PDE10A: variants seen among roughly 807,000 people sequenced by gnomAD.
PDE10A encodes the protein cAMP and cAMP-inhibited cGMP 3',5'-cyclic phosphodiesterase 10A.
Under a neutral mutation model 97.7 loss-of-function variants are expected in PDE10A, and 39 were observed. The ratio of observed to expected loss-of-function variants is 0.40; its 90% CI spans 0.31 to 0.52. PDE10A has a LOEUF of 0.52. PDE10A is among the 20% of genes least tolerant of loss of function. PDE10A has a pLI of 0.56. For missense variants in PDE10A, 731 were observed against 1,047.8 expected (o/e 0.70, Z 4.17); for synonymous variants, 371 against 376.8 (o/e 0.98, Z 0.18).
intron 1 of PDE10A, among the ~76,000 whole-genome samples, chr6:165,706,209 A>G (rs1791705385): frequency 1.3e-5 from 2 of 152,152 alleles, no homozygotes; most frequent in South Asian, 4.1e-4. Flanking sequence ...AATGTTCTCA[A>G]TGGGGCGACA....
At position 165,617,837 on chromosome 6, in the gene PDE10A, A is replaced by G. The variant is rs372602478; in HGVS notation, c.865+44110T>C. ...AGCTTCGAGGACACACATTTATTCTAACGGCTCTCAGTGGTAAAGTCAAGT... is the reference window on the plus strand; with the variant it reads ...AGCTTCGAGGACACACATTTATTCTGACGGCTCTCAGTGGTAAAGTCAAGT... On this transcript the variant is annotated intron_variant, in intron 1 of 21. Coordinates refer to ENST00000539869, the MANE Select transcript of PDE10A (RefSeq NM_001385079.1). Among the ~76,000 whole-genome samples, 21 of 152,300 alleles carry G rather than the reference A, an allele frequency of 1.4e-4. No individual in the cohort carries two copies. The East Asian group carries it at 2.9e-3, about 21-fold the overall frequency.
intron 1 of PDE10A, among the ~76,000 whole-genome samples, chr6:165,657,763 T>C (rs1230952093): frequency 6.6e-6 from 1 of 152,260 alleles, no homozygotes; most frequent in Non-Finnish European, 1.5e-5. Context: ...TAAGTATTAA[T>C]AACTTAAAGA....
Position 165,839,566 on chromosome 6 carries a change from C to T in PDE10A, c.-615+147963G>A, listed in dbSNP as rs1259393584. ...TTCCGAAAGATGAGAGTGCTCTCTA[C>T]GTAAGTCCACAGTGGGAATTGAAAT... On this transcript the variant is annotated intron_variant, in intron 1 of 19. Transcript: ENST00000366882. 3.3e-5 allele frequency among the ~76,000 whole-genome samples: 5 copies of T among 152,276 alleles called. No individual in the cohort carries two copies. The South Asian group carries it at 6.2e-4, about 19-fold the overall frequency.
intron 1 of PDE10A, among the ~76,000 whole-genome samples, chr6:165,706,635 A>G (rs1386390831): frequency 6.6e-6 from 1 of 152,216 alleles, no homozygotes; most frequent in African/African-American, 2.4e-5. Flanking sequence ...CTAAATCAGC[A>G]CATTTTGCTA....
intron 1 of PDE10A, among the ~76,000 whole-genome samples, chr6:165,806,646 AGC>A (rs1779148247): frequency 8.0e-6 from 1 of 125,296 alleles, no homozygotes; most frequent in East Asian, 5.3e-4. Context: ...GGCTCTGCTG[AGC>A]GCCCCCCCCC....
rs1562809946 is a variant in PDE10A, at chr6:165,943,270, GGAAGGAAA to G, written c.-615+44251_-615+44258del. On this transcript the variant is annotated intron_variant, in intron 1 of 19. Coordinates refer to the PDE10A transcript ENST00000366882. ...AGGAAGGAAGGAAGGAAGGAAGGAA[GGAAGGAAA>G]GAAAGAAAGAAAGAAGGAAAGAAAG... 2.1e-4 allele frequency among the ~76,000 whole-genome samples: 19 copies of G among 89,022 alleles called. 2 individuals carry two copies. Among genetic ancestry groups the G allele is most frequent in the South Asian group, 1.2e-3 (3 of 2,572 alleles). The allele number at this position is 89,022 out of a possible 152,430, so 58.4% of individuals were successfully genotyped here.
intron 1 of PDE10A, among the ~76,000 whole-genome samples, chr6:165,679,582 G>A (rs917959586): frequency 2.0e-5 from 3 of 152,206 alleles, no homozygotes; most frequent in Non-Finnish European, 2.9e-5. Flanking sequence ...GCACAGGAAC[G>A]CCGGGAAGCA....
intron 1 of PDE10A, among the ~76,000 whole-genome samples, chr6:165,634,660 A>T (rs1048236534): frequency 6.6e-6 from 1 of 152,238 alleles, no homozygotes; most frequent in African/African-American, 2.4e-5. Flanking sequence ...AAAGTGACAC[A>T]CAGGCTACGG....
chr6:165,686,792 T>C (rs183924686), intron 1 of PDE10A, among the ~76,000 whole-genome samples: 1 of 152,284 alleles, frequency 6.6e-6, no homozygotes, highest in Admixed American at 6.5e-5. Context: ...GGTCGGTCCT[T>C]ACGGGCATGA....
At chr6:165,730,750 C>A (rs866313071) in intron 1 of PDE10A, among the ~76,000 whole-genome samples, 21 of 122,100 alleles carry the variant, frequency 1.7e-4, no homozygotes, top group South Asian at 2.8e-4. Context: ...GAGATTCCAC[C>A]AAAAAAAAAA....
At chr6:165,460,063 C>T (rs1778228960) in intron 3 of PDE10A, among the ~76,000 whole-genome samples, 1 of 152,186 alleles carries the variant, frequency 6.6e-6, no homozygotes, top group Non-Finnish European at 1.5e-5. Flanking sequence ...TAAACCGGGG[C>T]ATTTCCAGCT....
At chr6:165,758,063 A>G (rs1416005557) in intron 1 of PDE10A, among the ~76,000 whole-genome samples, 1 of 152,252 alleles carries the variant, frequency 6.6e-6, no homozygotes, top group Admixed American at 6.5e-5. Flanking sequence ...CTGAACTGTC[A>G]TTAGTGACAA....
At chr6:165,379,140 A>G (rs1784786975) in intron 18 of PDE10A, 54 bp downstream of exon 18, 7 of 1,223,960 alleles carry the variant, frequency 5.7e-6, no homozygotes, top group Non-Finnish European at 7.0e-6. Flanking sequence ...TTAAGTATCA[A>G]TTTATTCCAG....
chr6:165,448,776 C>A, intron 5 of PDE10A, 152 bp downstream of exon 5: 1 of 536,294 alleles, frequency 1.9e-6, no homozygotes, highest in Non-Finnish European at 3.3e-6. Flanking sequence ...CAGTAAAATT[C>A]TTGACTGGTA....
At chr6:165,684,784 TACAATGA>T (rs1359392117) in intron 1 of PDE10A, among the ~76,000 whole-genome samples, 2 of 152,276 alleles carry the variant, frequency 1.3e-5, no homozygotes, top group African/African-American at 4.8e-5. Context: ...TTATGAAAAT[TACAATGA>T]AAGTTCCATA....
intron 1 of PDE10A, among the ~76,000 whole-genome samples, chr6:165,931,485 G>C (rs1783132252): frequency 6.6e-6 from 1 of 152,216 alleles, no homozygotes; most frequent in African/African-American, 2.4e-5. Flanking sequence ...TTCCACAAAG[G>C]ATTCGAGGCA....
chr6:165,406,228 A>ATATGTGTGTGTGTGTGTG (rs140845501), intron 13 of PDE10A, among the ~76,000 whole-genome samples: 34 of 140,510 alleles, frequency 2.4e-4, no homozygotes, highest in African/African-American at 8.9e-4. Context: ...AGGGAAAAGG[A>ATATGTGTGTGTGTGTGTG]TGTGTGTGTG....
At chr6:165,435,691 G>A (rs1440391878) in intron 5 of PDE10A, among the ~76,000 whole-genome samples, 2 of 152,100 alleles carry the variant, frequency 1.3e-5, no homozygotes, top group Non-Finnish European at 2.9e-5. Context: ...CTGTCATTGG[G>A]ATCAAGATTC....
intron 18 of PDE10A, among the ~76,000 whole-genome samples, chr6:165,369,707 A>C (rs1408277252): frequency 7.2e-6 from 1 of 139,198 alleles, no homozygotes; most frequent in African/African-American, 2.9e-5. Context: ...GCCAACGTTC[A>C]GGTTCAGGAA....
Sources: gnomAD v4.1 joint callset for allele counts (sites outside exome capture counted in the v4.1 genomes callset) on GRCh38, gnomAD v4.1.1 for gene constraint, MANE v1.5 for transcripts, NCBI Gene and HGNC (gene_info 2026-07-23, HGNC 2026-07-21) for gene names.